The following NINL variants were observed in gnomAD, a reference collection of about 807,000 sequenced individuals.
The protein encoded by NINL is ninein-like protein.
NINL carries 153 observed loss-of-function variants against 160.3 expected under a neutral mutation model. That is an observed-to-expected ratio of 0.95 (90% CI 0.84 to 1.09). NINL has a LOEUF of 1.09. Ranked by LOEUF, NINL falls within the 50% of genes least tolerant of loss-of-function variation. The probability of loss-of-function intolerance (pLI) is 0.00; values close to 1 mark genes in which losing one functional copy is unlikely to be tolerated. For missense variants in NINL, 1,829 were observed against 1,764.0 expected, an observed-to-expected ratio of 1.04 and a Z score of -0.66; for synonymous variants, 800 against 734.8, an observed-to-expected ratio of 1.09 and a Z score of -1.43.
intron 2 of NINL, among the ~76,000 whole-genome samples, chr20:25,522,339 C>T (rs1300216585): frequency 1.3e-5 from 2 of 152,212 alleles, no homozygotes; most frequent in Non-Finnish European, 2.9e-5. Context: ...AGTTAGCTCA[C>T]TTGCCACTAT....
At chr20:25,535,023 T>A (rs773100271) in intron 1 of NINL, among the ~76,000 whole-genome samples, 1 of 152,234 alleles carries the variant, frequency 6.6e-6, no homozygotes, top group African/African-American at 2.4e-5. Context: ...TCCACAGATG[T>A]AGAACCCACT....
At position 25,540,769 on chromosome 20, in the gene NINL, G is replaced by C. The variant is rs540969985; in HGVS notation, c.-11-14171C>G. ...CCTCAGTGCTACTTCCAATGGCCTT[G>C]CCAGCAGGAATCAACCTTCACACTC... is the stretch of plus-strand genomic sequence containing the variant. On this transcript the variant is annotated intron_variant, in intron 1 of 23. Coordinates refer to ENST00000278886, the MANE Select transcript of NINL (RefSeq NM_025176.6). Among the ~76,000 whole-genome samples the C allele has an allele frequency of 9.3e-4, 142 of 152,290 alleles. 1 individual carries two copies. The highest frequency in any genetic ancestry group is 3.2e-3 in the African/African-American group (134 of 41,550).
chr20:25,527,513 T>G (rs1203671766), intron 1 of NINL, among the ~76,000 whole-genome samples: 4 of 152,028 alleles, frequency 2.6e-5, no homozygotes, highest in East Asian at 1.9e-4. Context: ...GGGTTTCTGT[T>G]TTTTTTTCAA....
rs2063256148 is a variant in NINL, at chr20:25,476,696, A to C, written c.2595T>G (p.Asp865Glu). 6.3e-7 allele frequency: 1 copy of C among 1,595,620 alleles called. No homozygotes were observed. The highest frequency in any genetic ancestry group is 8.5e-7 in the Non-Finnish European group (1 of 1,175,562). The change falls in exon 17 of 24, where the codon GAT (aspartate) becomes GAG (glutamate). Residue 865 changes from aspartate (D) to glutamate (E), a missense_variant. Coordinates refer to ENST00000278886, the MANE Select transcript of NINL (RefSeq NM_025176.6). Reference protein sequence around the residue: ...ERPLAWLAPGDGRESEEAAGA... With the variant: ...ERPLAWLAPGEGRESEEAAGA... ...CTGCCGCCTCCTCAGACTCTCTGCC[A>C]TCACCTGGGGCCAGCCAGGCCAGTG... is the stretch of plus-strand genomic sequence containing the variant.
chr20:25,475,257 C>CA (rs913538783), intron 17 of NINL, among the ~76,000 whole-genome samples: 2 of 151,510 alleles, frequency 1.3e-5, no homozygotes, highest in Non-Finnish European at 2.9e-5. Context: ...TCAAAAAAAA[C>CA]AAAAAACAAA....
rs1282420931 is a variant in NINL at position 25,476,716 on chromosome 20, C to T, written c.2575G>A (p.Ala859Thr). ...CTGCCATCACCTGGGGCCAGCCAGG[C>T]CAGTGGCCGCTCCCCACAGCCCGGA... ...LRPGCGERPL[A>T]WLAPGDGRES... The change falls in exon 17 of 24, where the codon GCC becomes ACC. Residue 859 changes from alanine (A) to threonine (T), a missense_variant. By Grantham distance (58) the Ala-to-Thr change is moderately conservative. Coordinates refer to ENST00000278886, the MANE Select transcript of NINL (RefSeq NM_025176.6). The T allele has an allele frequency of 6.2e-7, 1 of 1,600,712 alleles. No individual in the cohort carries two copies. Among genetic ancestry groups the T allele is most frequent in the Non-Finnish European group, 8.5e-7 (1 of 1,177,596 alleles).
chr20:25,511,957 C>A (rs753717277), intron 4 of NINL, among the ~76,000 whole-genome samples: 1 of 152,188 alleles, frequency 6.6e-6, no homozygotes. Flanking sequence ...AGAGCAGGAA[C>A]CAGGAACCTT....
At chr20:25,497,859 C>G (rs561411486) in intron 9 of NINL, among the ~76,000 whole-genome samples, 1 of 152,278 alleles carries the variant, frequency 6.6e-6, no homozygotes, top group African/African-American at 2.4e-5. Flanking sequence ...CAGTGGGGGC[C>G]CCCAACATAC....
rs1282015190 is a variant in NINL at position 25,468,430 on chromosome 20, CCT to C, written c.3354-974_3354-973del. ...TGGTGGGTGCCCCCCTGTCCTGTCC[CCT>C]GACTCTCACTGGTGGGCACCCCCCT... On this transcript the variant is annotated intron_variant, in intron 18 of 23. Transcript: ENST00000278886. Among the ~76,000 whole-genome samples, 9 of 150,968 alleles carry C rather than the reference CCT, an allele frequency of 6.0e-5. No homozygotes were observed. The East Asian group carries it at 1.4e-3, about 23-fold the overall frequency.
At chr20:25,553,805 C>T (rs570428334) in intron 1 of NINL, among the ~76,000 whole-genome samples, 34 of 152,336 alleles carry the variant, frequency 2.2e-4, no homozygotes, top group African/African-American at 5.5e-4. Flanking sequence ...GAGGTGACTC[C>T]GTTTCCTGCT....
chr20:25,584,459 T>C (rs1196009814), intron 1 of NINL, among the ~76,000 whole-genome samples: 1 of 152,206 alleles, frequency 6.6e-6, no homozygotes, highest in Non-Finnish European at 1.5e-5. Flanking sequence ...AAACTTCGTT[T>C]CAAAAACAGC....
chr20:25,492,687 C>G (rs971590263), intron 10 of NINL, among the ~76,000 whole-genome samples: 1 of 152,072 alleles, frequency 6.6e-6, no homozygotes, highest in Admixed American at 6.6e-5. Context: ...CTCCTGACCT[C>G]GTGATCTGCC....
chr20:25,560,473 C>A (rs1428880118), intron 1 of NINL, among the ~76,000 whole-genome samples: 1 of 152,144 alleles, frequency 6.6e-6, no homozygotes, highest in Non-Finnish European at 1.5e-5. Context: ...AGTCAGGTGG[C>A]CCTAATATAT....
At position 25,562,091 on chromosome 20, in the gene NINL, G is replaced by A. The variant is rs866910766; in HGVS notation, c.-12+23364C>T. 5.5e-3 allele frequency among the ~76,000 whole-genome samples: 745 copies of A among 134,838 alleles called. 6 individuals carry two copies. The highest frequency in any genetic ancestry group is 6.0e-3 in the African/African-American group (210 of 35,270). The allele number at this position is 134,838 out of a possible 152,430, so 88.5% of individuals were successfully genotyped here. ...AGGCAGGTGGGGGGGTCAGCCCCCC[G>A]CCCAGCCAGCCGCCCCGTCCGGGAG... On this transcript the variant is annotated intron_variant, in intron 1 of 23. Transcript: ENST00000278886.
chr20:25,568,451 A>G (rs1375549690), intron 1 of NINL, among the ~76,000 whole-genome samples: 1 of 151,942 alleles, frequency 6.6e-6, no homozygotes, highest in East Asian at 1.9e-4. Context: ...TCTGTCACCT[A>G]GTCGGGAAGA....
chr20:25,571,462 G>A (rs2065054340), intron 1 of NINL, among the ~76,000 whole-genome samples: 1 of 152,208 alleles, frequency 6.6e-6, no homozygotes. Flanking sequence ...TGCCCCAGCA[G>A]CAGCCTGAGT....
intron 1 of NINL, among the ~76,000 whole-genome samples, chr20:25,532,103 A>G (rs2064475273): frequency 6.6e-6 from 1 of 152,190 alleles, no homozygotes; most frequent in South Asian, 2.1e-4. Context: ...TGTGGAACTA[A>G]GAGAGGCACA....
At chr20:25,537,046 A>G (rs1208662241) in intron 1 of NINL, among the ~76,000 whole-genome samples, 2 of 152,176 alleles carry the variant, frequency 1.3e-5, no homozygotes, top group Admixed American at 6.5e-5. Context: ...AAGGCAACAG[A>G]GCGGGGTAGT....
rs964734595 is a variant in NINL at position 25,499,297 on chromosome 20, G to C, written c.1033-951C>G. ...AGGGACAGAACCGCCACAGCAGCCT[G>C]AGGTCAGAAATGCTGACTGAGTTGC... On this transcript the variant is annotated intron_variant, in intron 8 of 23. Coordinates refer to ENST00000278886, the MANE Select transcript of NINL (RefSeq NM_025176.6). 3 of 926,312 alleles carry C rather than the reference G, an allele frequency of 3.2e-6. No homozygotes were observed. The African/African-American group carries it at 5.4e-5, about 17-fold the overall frequency. The allele number at this position is 926,312 out of a possible 1,614,324, so 57.4% of individuals were successfully genotyped here.
Sources: gnomAD v4.1 joint callset for allele counts (sites outside exome capture counted in the v4.1 genomes callset) on GRCh38, gnomAD v4.1.1 for gene constraint, MANE v1.5 for transcripts, NCBI Gene and HGNC (gene_info 2026-07-23, HGNC 2026-07-21) for gene names.